Variants in UNC5D observed in about 807,000 individuals in gnomAD.
UNC5D encodes the protein unc-5 netrin receptor D, also known as netrin receptor UNC5D.
Under a neutral mutation model 105.4 loss-of-function variants are expected in UNC5D, and 39 were observed. The ratio of observed to expected loss-of-function variants is 0.37; its 90% CI spans 0.29 to 0.48. UNC5D has a LOEUF of 0.48. Ranked by LOEUF, UNC5D falls within the 20% of genes least tolerant of loss-of-function variation. The pLI, the probability that UNC5D is intolerant of heterozygous loss-of-function variation, is 0.98. For synonymous variants in UNC5D, 452 were observed against 450.4 expected, an observed-to-expected ratio of 1.00 and a Z score of -0.04; for missense variants, 991 against 1,202.4, an observed-to-expected ratio of 0.82 and a Z score of 2.60.
intron 16 of UNC5D, among the ~76,000 whole-genome samples, chr8:35,789,949 AG>A (rs1802959496): frequency 6.6e-6 from 1 of 151,348 alleles, no homozygotes; most frequent in Non-Finnish European, 1.5e-5. Context: ...AAGGAAAGTG[AG>A]GACCCAAAAG....
chr8:35,407,282 G>A (rs187927179), intron 1 of UNC5D, among the ~76,000 whole-genome samples: 71 of 151,982 alleles, frequency 4.7e-4, no homozygotes, highest in Middle Eastern at 6.8e-3. Context: ...GCCTAACGAT[G>A]CATTTCTCAG....
At chr8:35,568,764 T>C (rs2130787636) in intron 3 of UNC5D, among the ~76,000 whole-genome samples, 1 of 152,304 alleles carries the variant, frequency 6.6e-6, no homozygotes, top group South Asian at 2.1e-4. Context: ...TAGGAGATTC[T>C]GCCTAGACAG....
chr8:35,522,195 GA>G (rs1444189082), intron 1 of UNC5D, among the ~76,000 whole-genome samples: 1 of 152,078 alleles, frequency 6.6e-6, no homozygotes, highest in Non-Finnish European at 1.5e-5. Context: ...GTATTTTCGG[GA>G]TAAATTCTGT....
intron 1 of UNC5D, among the ~76,000 whole-genome samples, chr8:35,412,548 C>T (rs1805245096): frequency 6.6e-6 from 1 of 151,710 alleles, no homozygotes; most frequent in Admixed American, 6.6e-5. Context: ...TGACCTCAAG[C>T]AGAATTCTTA....
intron 4 of UNC5D, among the ~76,000 whole-genome samples, chr8:35,671,229 G>T (rs1676639908): frequency 6.6e-6 from 1 of 152,130 alleles, no homozygotes; most frequent in South Asian, 2.1e-4. Context: ...TTCCTTAATT[G>T]CTAGGCATAT....
intron 4 of UNC5D, among the ~76,000 whole-genome samples, chr8:35,601,517 C>T (rs1819884877): frequency 6.6e-6 from 1 of 152,162 alleles, no homozygotes; most frequent in Non-Finnish European, 1.5e-5. Context: ...TCCTTCACAT[C>T]CCTTGTAAGT....
chr8:35,268,389 G>C (rs185111575), intron 1 of UNC5D, among the ~76,000 whole-genome samples: 1 of 152,040 alleles, frequency 6.6e-6, no homozygotes, highest in African/African-American at 2.4e-5. Flanking sequence ...TCCTTACAAT[G>C]TCTTTTTCCA....
intron 1 of UNC5D, among the ~76,000 whole-genome samples, chr8:35,391,588 C>A (rs1190153229): frequency 1.3e-5 from 2 of 152,122 alleles, no homozygotes; most frequent in African/African-American, 4.8e-5. Context: ...TTGTGTGTGA[C>A]CAACACGCTA....
chr8:35,441,261 A>G (rs1179125439), intron 1 of UNC5D, among the ~76,000 whole-genome samples: 1 of 152,002 alleles, frequency 6.6e-6, no homozygotes, highest in Admixed American at 6.6e-5. Context: ...ATTCAACTGC[A>G]GTCCAAAAAT....
chr8:35,416,973 G>A (rs1805571216), intron 1 of UNC5D, among the ~76,000 whole-genome samples: 1 of 152,046 alleles, frequency 6.6e-6, no homozygotes, highest in Admixed American at 6.6e-5. Context: ...CATAGTAGAT[G>A]TACATATTTA....
intron 8 of UNC5D, chr8:35,721,599 C>T (rs2131533483): frequency 1.5e-6 from 1 of 680,048 alleles, no homozygotes; most frequent in Non-Finnish European, 2.7e-6. Context: ...CCAAGACCTT[C>T]ATATCCCACA....
At chr8:35,460,189 T>C (rs1158735489) in intron 1 of UNC5D, among the ~76,000 whole-genome samples, 3 of 152,196 alleles carry the variant, frequency 2.0e-5, no homozygotes, top group Non-Finnish European at 2.9e-5. Context: ...AACTGGGCAG[T>C]GTGATGCCAG....
chr8:35,251,142 C>T (rs1803668866), intron 1 of UNC5D, among the ~76,000 whole-genome samples: 1 of 152,090 alleles, frequency 6.6e-6, no homozygotes, highest in African/African-American at 2.4e-5. Flanking sequence ...ATCCTATACT[C>T]GTCTGTTCTC....
chr8:35,343,129 G>A (rs888200732), intron 1 of UNC5D, among the ~76,000 whole-genome samples: 1 of 151,990 alleles, frequency 6.6e-6, no homozygotes. Flanking sequence ...TGCTGGTCTG[G>A]GGACTTTACT....
intron 4 of UNC5D, among the ~76,000 whole-genome samples, chr8:35,615,353 C>T (rs1421850638): frequency 6.6e-6 from 1 of 152,136 alleles, no homozygotes; most frequent in East Asian, 1.9e-4. Context: ...AGACCTTTCT[C>T]TGTGTCCTCA....
intron 2 of UNC5D, among the ~76,000 whole-genome samples, chr8:35,550,484 G>T (rs947357140): frequency 6.6e-6 from 1 of 151,934 alleles, no homozygotes; most frequent in Non-Finnish European, 1.5e-5. Flanking sequence ...TCCGATTTTT[G>T]AATAAGTCAA....
At chr8:35,567,800 T>G (rs1389400402) in intron 2 of UNC5D, among the ~76,000 whole-genome samples, 1 of 152,108 alleles carries the variant, frequency 6.6e-6, no homozygotes, top group Non-Finnish European at 1.5e-5. Flanking sequence ...TTGTGTAAAA[T>G]CTATGAGGAA....
intron 1 of UNC5D, among the ~76,000 whole-genome samples, chr8:35,364,354 A>T (rs752960161): frequency 2.0e-5 from 3 of 152,036 alleles, no homozygotes; most frequent in Non-Finnish European, 4.4e-5. Flanking sequence ...AAATTATCCC[A>T]TATTTGCCTG....
intron 1 of UNC5D, among the ~76,000 whole-genome samples, chr8:35,246,207 T>C (rs1803085778): frequency 6.6e-6 from 1 of 152,200 alleles, no homozygotes; most frequent in African/African-American, 2.4e-5. Flanking sequence ...CCGCCCTTTG[T>C]TTTCTGTACC....
Sources: gnomAD v4.1 joint callset for allele counts (sites outside exome capture counted in the v4.1 genomes callset) on GRCh38, gnomAD v4.1.1 for gene constraint, MANE v1.5 for transcripts, NCBI Gene and HGNC (gene_info 2026-07-23, HGNC 2026-07-21) for gene names.